The following TBC1D30 variants were observed in gnomAD, a reference collection of about 807,000 sequenced individuals.
TBC1D30 encodes the protein TBC1 domain family member 30.
Under a neutral mutation model 63.2 loss-of-function variants are expected in TBC1D30, and 31 were observed. That is an observed-to-expected ratio of 0.49 (90% CI 0.37 to 0.66). TBC1D30 has a LOEUF of 0.66. Among genes scored for constraint, TBC1D30 ranks in the 30% least tolerant of loss-of-function variants. TBC1D30 has a pLI of 0.00. For synonymous variants in TBC1D30, 307 were observed against 361.5 expected, an observed-to-expected ratio of 0.85 and a Z score of 1.71; for missense variants, 810 against 953.6, an observed-to-expected ratio of 0.85 and a Z score of 1.98.
intron 2 of TBC1D30, among the ~76,000 whole-genome samples, chr12:64,815,342 CA>C (rs1873458726): frequency 6.6e-6 from 1 of 152,060 alleles, no homozygotes. Flanking sequence ...AAATAAGTTT[CA>C]TTTTAAGAAA....
At chr12:64,795,238 C>A (rs1191302973) in intron 2 of TBC1D30, among the ~76,000 whole-genome samples, 12 of 152,106 alleles carry the variant, frequency 7.9e-5, no homozygotes, top group Admixed American at 7.9e-4. Flanking sequence ...AAGGAAGAGT[C>A]TTCTGATCTC....
chr12:64,771,390 C>G (rs1408592643), intron 1 of TBC1D30, among the ~76,000 whole-genome samples: 1 of 152,096 alleles, frequency 6.6e-6, no homozygotes, highest in Non-Finnish European at 1.5e-5. Flanking sequence ...AATGACCATG[C>G]TTTCTGAACT....
In TBC1D30 at chr12:64,867,347, C is replaced by T. The variant is rs1878306601; in HGVS notation, c.1291+444C>T. 1.3e-5 allele frequency among the ~76,000 whole-genome samples: 2 copies of T among 151,834 alleles called. 1 individual carries two copies. The highest frequency in any genetic ancestry group is 4.2e-4 in the South Asian group (2 of 4,806). On this transcript the variant is annotated intron_variant, in intron 10 of 11. Coordinates refer to ENST00000539867, the MANE Select transcript of TBC1D30 (RefSeq NM_015279.2). ...TGGTGGTGCGTGCCTGTAGTCCCAGCTGCTTGGGAGGCTGAGGCAGGAGAA... is the reference window on the plus strand; with the variant it reads ...TGGTGGTGCGTGCCTGTAGTCCCAGTTGCTTGGGAGGCTGAGGCAGGAGAA...
At chr12:64,770,667 C>G (rs1207778042) in intron 1 of TBC1D30, among the ~76,000 whole-genome samples, 4 of 152,142 alleles carry the variant, frequency 2.6e-5, no homozygotes, top group Non-Finnish European at 5.9e-5. Flanking sequence ...TGGCCATTGT[C>G]CCATATGACT....
intron 8 of TBC1D30, among the ~76,000 whole-genome samples, 162 bp downstream of exon 8, chr12:64,843,647 A>G (rs1876099671): frequency 6.6e-6 from 1 of 152,244 alleles, no homozygotes; most frequent in South Asian, 2.1e-4. Context: ...AATCTATGTC[A>G]TAGAAGGAAG....
intron 2 of TBC1D30, among the ~76,000 whole-genome samples, chr12:64,798,103 T>C (rs1787345727): frequency 1.3e-5 from 2 of 152,346 alleles, no homozygotes; most frequent in Middle Eastern, 3.4e-3. Flanking sequence ...TACTTTGAAA[T>C]GTTAAATGTG....
At chr12:64,870,285 A>G (rs1411277267) in intron 10 of TBC1D30, among the ~76,000 whole-genome samples, 1 of 152,220 alleles carries the variant, frequency 6.6e-6, no homozygotes, top group Non-Finnish European at 1.5e-5. Context: ...TTTCTAAGGA[A>G]ATCTTAGACA....
chr12:64,825,036 G>A lies in TBC1D30; in HGVS notation c.154+3G>A. 1 of 1,532,012 alleles carries A rather than the reference G, an allele frequency of 6.5e-7. No homozygotes were observed. The highest frequency in any genetic ancestry group is 8.7e-7 in the Non-Finnish European group (1 of 1,145,610). 94.9% of individuals were successfully genotyped at this position (1,532,012 alleles called of 1,614,324 possible). On this transcript the variant is annotated splice_donor_region_variant and intron_variant, in intron 1 of 11. Transcript: ENST00000539867. The stretch of plus-strand genomic sequence containing the variant: ...GCTGCTGTGCACCCTGGAGCCGGGT[G>A]AGGACCCCAGGGCTGCAGATGGGGC...
chr12:64,787,690 A>G (rs1423397460), intron 2 of TBC1D30, among the ~76,000 whole-genome samples: 1 of 152,118 alleles, frequency 6.6e-6, no homozygotes, highest in African/African-American at 2.4e-5. Context: ...TGTTATCCCT[A>G]AAGTATTATT....
chr12:64,788,971 A>G (rs952938916), intron 2 of TBC1D30, among the ~76,000 whole-genome samples: 5 of 152,132 alleles, frequency 3.3e-5, no homozygotes, highest in African/African-American at 7.2e-5. Context: ...CAGTAGTTGC[A>G]TGTTTTGCCT....
intron 6 of TBC1D30, among the ~76,000 whole-genome samples, chr12:64,837,850 C>T (rs1875504762): frequency 6.6e-6 from 1 of 152,174 alleles, no homozygotes; most frequent in Non-Finnish European, 1.5e-5. Flanking sequence ...AAGTGCCTTG[C>T]ACTTGGCTGT....
intron 2 of TBC1D30, among the ~76,000 whole-genome samples, chr12:64,788,271 A>G (rs1292325711): frequency 6.6e-6 from 1 of 151,708 alleles, no homozygotes; most frequent in Non-Finnish European, 1.5e-5. Context: ...TAAGTATTTG[A>G]TAGTTTTCCA....
At chr12:64,794,378 T>G (rs973465514) in intron 2 of TBC1D30, among the ~76,000 whole-genome samples, 1 of 152,182 alleles carries the variant, frequency 6.6e-6, no homozygotes, top group Admixed American at 6.5e-5. Flanking sequence ...TTCTTTTTTC[T>G]TTTTCCTCTT....
intron 8 of TBC1D30, among the ~76,000 whole-genome samples, chr12:64,862,822 A>G (rs1422640672): frequency 6.6e-6 from 1 of 152,202 alleles, no homozygotes; most frequent in East Asian, 1.9e-4. Context: ...AAAAAATTAC[A>G]TGAATGAGGG....
At chr12:64,843,757 C>G (rs1015325990) in intron 8 of TBC1D30, among the ~76,000 whole-genome samples, 16 of 152,182 alleles carry the variant, frequency 1.1e-4, no homozygotes, top group African/African-American at 3.6e-4. Flanking sequence ...ACTGGAAAAA[C>G]AAAATCACCA....
chr12:64,874,939 G>C (rs1878926716), intron 11 of TBC1D30, 62 bp from the exon 12 acceptor site: 4 of 1,454,180 alleles, frequency 2.8e-6, no homozygotes, highest in Non-Finnish European at 3.7e-6. Flanking sequence ...AGTGATTTCT[G>C]TTCCAAGATG....
chr12:64,780,304 A>G (rs553299283), upstream of TBC1D30, among the ~76,000 whole-genome samples: 1 of 152,316 alleles, frequency 6.6e-6, no homozygotes, highest in Non-Finnish European at 1.5e-5. Flanking sequence ...TTGTGTTCCG[A>G]GTATGTCAAG....
intron 1 of TBC1D30, among the ~76,000 whole-genome samples, chr12:64,760,914 G>T (rs1318762316): frequency 3.3e-5 from 5 of 151,864 alleles, no homozygotes; most frequent in African/African-American, 1.2e-4. Context: ...TGAGGTAGGG[G>T]TGGTAACTCA....
chr12:64,774,373 A>T (rs1201389593), intron 1 of TBC1D30, among the ~76,000 whole-genome samples: 8 of 152,216 alleles, frequency 5.3e-5, no homozygotes, highest in Non-Finnish European at 1.5e-5. Context: ...ACATTTCAGG[A>T]TATCATCCCT....
Sources: allele counts gnomAD v4.1 joint callset (sites outside exome capture counted in the v4.1 genomes callset), GRCh38; gene constraint gnomAD v4.1.1; transcripts MANE v1.5; gene names NCBI Gene and HGNC (gene_info 2026-07-23, HGNC 2026-07-21).